The following CDKAL1 variants were observed in gnomAD, a reference collection of about 807,000 sequenced individuals.
The protein encoded by CDKAL1 is threonylcarbamoyladenosine tRNA methylthiotransferase.
In CDKAL1, 32 loss-of-function variants were observed where a neutral mutation model predicts 68.2. That is an observed-to-expected ratio of 0.47 (90% CI 0.35 to 0.63). The LOEUF is 0.63. CDKAL1 is among the 30% of genes least tolerant of loss of function. The pLI, the probability that CDKAL1 is intolerant of heterozygous loss-of-function variation, is 0.00. For synonymous variants in CDKAL1, 234 were observed against 244.3 expected, an observed-to-expected ratio of 0.96 and a Z score of 0.39; for missense variants, 606 against 696.7, an observed-to-expected ratio of 0.87 and a Z score of 1.47.
chr6:20,801,255 A>G (rs1371316225), intron 8 of CDKAL1, among the ~76,000 whole-genome samples: 1 of 152,162 alleles, frequency 6.6e-6, no homozygotes, highest in Non-Finnish European at 1.5e-5. Flanking sequence ...TTTTCCCTGA[A>G]GAAATTTTCT....
chr6:20,637,241 G>A (rs894503752), intron 4 of CDKAL1, among the ~76,000 whole-genome samples: 2 of 151,890 alleles, frequency 1.3e-5, no homozygotes, highest in African/African-American at 4.8e-5. Flanking sequence ...GAGTTCTTTC[G>A]AGATGTTTGA....
intron 9 of CDKAL1, among the ~76,000 whole-genome samples, chr6:20,850,651 T>C (rs545091801): frequency 1.3e-5 from 2 of 152,222 alleles, no homozygotes; most frequent in South Asian, 4.2e-4. Flanking sequence ...TTTCCCAGGC[T>C]GGTCTTGAAC....
At chr6:21,216,981 T>C (rs1779359367) in intron 15 of CDKAL1, among the ~76,000 whole-genome samples, 1 of 152,232 alleles carries the variant, frequency 6.6e-6, no homozygotes, top group Non-Finnish European at 1.5e-5. Context: ...TGTTAATTTC[T>C]GCCATTACCA....
At chr6:20,908,490 G>T (rs1231827876) in intron 9 of CDKAL1, among the ~76,000 whole-genome samples, 1 of 152,038 alleles carries the variant, frequency 6.6e-6, no homozygotes, top group Admixed American at 6.5e-5. Flanking sequence ...AGGTACACTG[G>T]GCTAGACATC....
At chr6:21,088,204 G>T (rs1772807198) in intron 12 of CDKAL1, among the ~76,000 whole-genome samples, 2 of 152,094 alleles carry the variant, frequency 1.3e-5, no homozygotes, top group Admixed American at 1.3e-4. Context: ...ACCTATCAGA[G>T]AAAAACGGGT....
intron 4 of CDKAL1, among the ~76,000 whole-genome samples, chr6:20,638,207 T>C (rs1165927027): frequency 6.6e-6 from 1 of 152,264 alleles, no homozygotes; most frequent in Non-Finnish European, 1.5e-5. Context: ...TATAGTGTGC[T>C]ATCAAACTTT....
chr6:20,673,865 A>G (rs377539722), intron 5 of CDKAL1, among the ~76,000 whole-genome samples: 173 of 152,294 alleles, frequency 1.1e-3, no homozygotes, highest in African/African-American at 4.0e-3. Context: ...TTTCTTTTGT[A>G]AATTGCCCAG....
chr6:20,894,479 A>AT (rs1298871586), intron 9 of CDKAL1, among the ~76,000 whole-genome samples: 8 of 150,448 alleles, frequency 5.3e-5, no homozygotes, highest in East Asian at 3.9e-4. Context: ...AATACTTCAA[A>AT]TTTTTTTACA....
At chr6:20,704,005 T>G (rs1039332003) in intron 5 of CDKAL1, among the ~76,000 whole-genome samples, 8 of 152,196 alleles carry the variant, frequency 5.3e-5, no homozygotes, top group Admixed American at 4.6e-4. Context: ...TTTGAGAGCA[T>G]TTGAAAAGTG....
chr6:20,828,851 C>G (rs2150458211), intron 8 of CDKAL1, among the ~76,000 whole-genome samples: 1 of 152,290 alleles, frequency 6.6e-6, no homozygotes, highest in East Asian at 1.9e-4. Context: ...TAAACAGTAA[C>G]TCCCCATTCC....
intron 13 of CDKAL1, among the ~76,000 whole-genome samples, chr6:21,137,329 T>C (rs972982700): frequency 6.6e-6 from 1 of 152,248 alleles, no homozygotes; most frequent in Non-Finnish European, 1.5e-5. Flanking sequence ...TTAACCTGTA[T>C]ATTACTAGTT....
chr6:20,907,696 C>T (rs185097037), intron 9 of CDKAL1, among the ~76,000 whole-genome samples: 238 of 152,080 alleles, frequency 1.6e-3, no homozygotes, highest in African/African-American at 5.5e-3. Flanking sequence ...TGAGTGGCGG[C>T]GGGAGGGCCA....
At chr6:20,594,948 A>G (rs1765755860) in intron 4 of CDKAL1, among the ~76,000 whole-genome samples, 1 of 152,194 alleles carries the variant, frequency 6.6e-6, no homozygotes, top group Admixed American at 6.5e-5. Flanking sequence ...TTGGCTGGAT[A>G]TGAAATTCTG....
At chr6:20,847,142 C>A (rs546367316) in intron 9 of CDKAL1, among the ~76,000 whole-genome samples, 4 of 152,208 alleles carry the variant, frequency 2.6e-5, no homozygotes, top group African/African-American at 9.6e-5. Flanking sequence ...TTATTGATGC[C>A]TCCCAACAGT....
chr6:20,613,385 G>A (rs1442556308), intron 4 of CDKAL1, among the ~76,000 whole-genome samples: 2 of 145,366 alleles, frequency 1.4e-5, no homozygotes, highest in African/African-American at 2.5e-5. Flanking sequence ...AGTGATTCTC[G>A]TGTCTTGGCC....
chr6:21,089,590 C>A lies in CDKAL1; in HGVS notation c.1237-18811C>A, dbSNP rs566911038. ...AAAGCTCTCTCTGAGGAGGTGACAT[C>A]TAAGTTAAATGTGAGTAAGGAGTAG... On this transcript the variant is annotated intron_variant, in intron 12 of 15. Coordinates refer to ENST00000274695, the MANE Select transcript of CDKAL1 (RefSeq NM_017774.3). Among the ~76,000 whole-genome samples the A allele has an allele frequency of 2.3e-4, 35 of 152,196 alleles. 2 individuals carry two copies. The highest frequency in any genetic ancestry group is 8.4e-4 in the African/African-American group (35 of 41,512).
chr6:20,619,430 A>G (rs1452180994), intron 4 of CDKAL1, among the ~76,000 whole-genome samples: 1 of 152,192 alleles, frequency 6.6e-6, no homozygotes, highest in African/African-American at 2.4e-5. Flanking sequence ...AATTAACTAG[A>G]TTTAGTCATT....
intron 5 of CDKAL1, among the ~76,000 whole-genome samples, chr6:20,710,620 A>G (rs1251397951): frequency 6.6e-6 from 1 of 152,212 alleles, no homozygotes; most frequent in Non-Finnish European, 1.5e-5. Flanking sequence ...AACAATCAGT[A>G]AGTTTGAATT....
chr6:21,091,140 A>G (rs1215927534), intron 12 of CDKAL1, among the ~76,000 whole-genome samples: 3 of 152,202 alleles, frequency 2.0e-5, no homozygotes, highest in Non-Finnish European at 2.9e-5. Flanking sequence ...AAAGATTAAG[A>G]CAGATCTAGT....
Sources: allele counts gnomAD v4.1 joint callset (sites outside exome capture counted in the v4.1 genomes callset), GRCh38; gene constraint gnomAD v4.1.1; transcripts MANE v1.5; gene names NCBI Gene and HGNC (gene_info 2026-07-23, HGNC 2026-07-21).